The following RARB variants were observed in gnomAD, a reference collection of about 807,000 sequenced individuals.
RARB encodes the protein HBV-activated protein.
RARB carries 17 observed loss-of-function variants against 51.9 expected under a neutral mutation model. The ratio of observed to expected loss-of-function variants is 0.33; its 90% CI spans 0.22 to 0.49. The LOEUF (loss-of-function observed/expected upper bound fraction) is 0.49. RARB is among the 20% of genes least tolerant of loss of function. The probability of loss-of-function intolerance (pLI) is 0.99; values close to 1 mark genes in which losing one functional copy is unlikely to be tolerated. For synonymous variants in RARB, 215 were observed against 195.4 expected (o/e 1.10, Z -0.84); for missense variants, 369 against 550.8 (o/e 0.67, Z 3.30).
chr3:24,892,425 C>T (rs906732723), intron 2 of RARB, among the ~76,000 whole-genome samples: 1 of 152,030 alleles, frequency 6.6e-6, no homozygotes, highest in Non-Finnish European at 1.5e-5. Flanking sequence ...TTGCACCAAG[C>T]AGATAGAACT....
intron 2 of RARB, among the ~76,000 whole-genome samples, chr3:25,485,489 C>T (rs1254044171): frequency 1.3e-5 from 2 of 152,180 alleles, no homozygotes; most frequent in Non-Finnish European, 1.5e-5. Context: ...CAATGTGCAA[C>T]AGCAAATAAA....
At chr3:24,941,983 C>T (rs949447953) in intron 2 of RARB, among the ~76,000 whole-genome samples, 16 of 152,186 alleles carry the variant, frequency 1.1e-4, no homozygotes, top group Non-Finnish European at 1.9e-4. Flanking sequence ...TATTTTTCCC[C>T]TCAGAGGGAA....
chr3:25,248,528 C>T (rs907242996), intron 5 of RARB, among the ~76,000 whole-genome samples: 3 of 152,060 alleles, frequency 2.0e-5, no homozygotes, highest in African/African-American at 7.2e-5. Flanking sequence ...TGTGTTTGCT[C>T]TACCAGTGTT....
chr3:25,021,887 G>A (rs1370986699), intron 2 of RARB, among the ~76,000 whole-genome samples: 6 of 152,036 alleles, frequency 3.9e-5, no homozygotes, highest in African/African-American at 1.4e-4. Flanking sequence ...AATTACTGAG[G>A]CAGATTGTAT....
At chr3:25,054,820 A>G (rs1698405428) in intron 2 of RARB, among the ~76,000 whole-genome samples, 1 of 152,216 alleles carries the variant, frequency 6.6e-6, no homozygotes, top group African/African-American at 2.4e-5. Flanking sequence ...CACTAGCAAT[A>G]TATTGAAGGC....
At chr3:25,133,670 A>G (rs1699987387) in intron 4 of RARB, among the ~76,000 whole-genome samples, 1 of 151,858 alleles carries the variant, frequency 6.6e-6, no homozygotes, top group South Asian at 2.1e-4. Flanking sequence ...CACATAATCC[A>G]CTTTGTTTTT....
chr3:25,116,319 T>C (rs1311142625), intron 3 of RARB, among the ~76,000 whole-genome samples: 1 of 152,192 alleles, frequency 6.6e-6, no homozygotes, highest in East Asian at 1.9e-4. Flanking sequence ...ATGTGTGTTT[T>C]AGCAGAAGTC....
At chr3:25,150,744 G>C (rs1211821413) in intron 4 of RARB, among the ~76,000 whole-genome samples, 1 of 152,148 alleles carries the variant, frequency 6.6e-6, no homozygotes, top group Non-Finnish European at 1.5e-5. Flanking sequence ...GAACTTCCAA[G>C]AGAGTGCAAT....
chr3:25,169,432 G>T (rs777072255), intron 4 of RARB, among the ~76,000 whole-genome samples: 12 of 152,092 alleles, frequency 7.9e-5, no homozygotes, highest in African/African-American at 1.2e-4. Context: ...ATTATTCACG[G>T]ATATAAAGAA....
chr3:25,307,475 C>T (rs543731443), intron 5 of RARB, among the ~76,000 whole-genome samples: 2 of 152,286 alleles, frequency 1.3e-5, no homozygotes, highest in Admixed American at 1.3e-4. Flanking sequence ...TCAGAAGTCC[C>T]TTAGCCAACA....
intron 2 of RARB, among the ~76,000 whole-genome samples, chr3:25,481,912 C>T (rs1312275334): frequency 6.6e-6 from 1 of 152,194 alleles, no homozygotes; most frequent in Non-Finnish European, 1.5e-5. Context: ...ATATTCATAA[C>T]AATCCCACAA....
intron 2 of RARB, among the ~76,000 whole-genome samples, chr3:24,921,629 C>T (rs550926131): frequency 2.6e-5 from 4 of 152,044 alleles, no homozygotes; most frequent in South Asian, 2.1e-4. Flanking sequence ...CGAGGAGGTC[C>T]CCCCCATCTC....
intron 3 of RARB, among the ~76,000 whole-genome samples, chr3:25,567,230 C>T (rs1460064392): frequency 6.6e-6 from 1 of 152,162 alleles, no homozygotes; most frequent in African/African-American, 2.4e-5. Context: ...GTTGTGCAGC[C>T]TTCACCAGTA....
intron 5 of RARB, among the ~76,000 whole-genome samples, chr3:25,253,843 G>C (rs1335258570): frequency 6.6e-6 from 1 of 152,052 alleles, no homozygotes; most frequent in Non-Finnish European, 1.5e-5. Context: ...CAAATTGCTT[G>C]TATTTCTGGA....
chr3:25,310,772 C>T (rs1406165653), intron 5 of RARB, among the ~76,000 whole-genome samples: 3 of 152,174 alleles, frequency 2.0e-5, no homozygotes, highest in Admixed American at 6.5e-5. Flanking sequence ...TGTTCAACAG[C>T]TCCTTGAATG....
At chr3:25,217,565 C>G (rs555704564) in intron 5 of RARB, among the ~76,000 whole-genome samples, 9 of 151,816 alleles carry the variant, frequency 5.9e-5, no homozygotes, top group Non-Finnish European at 8.8e-5. Flanking sequence ...AGAGAGAGTT[C>G]GGGATTTGGA....
At chr3:25,440,233 C>G (rs1708605407) in intron 1 of RARB, among the ~76,000 whole-genome samples, 1 of 152,098 alleles carries the variant, frequency 6.6e-6, no homozygotes, top group South Asian at 2.1e-4. Context: ...AGGCAGATCA[C>G]TTGAGCCTAG....
At chr3:24,879,000 C>A (rs1268990188) in intron 2 of RARB, among the ~76,000 whole-genome samples, 1 of 152,120 alleles carries the variant, frequency 6.6e-6, no homozygotes, top group African/African-American at 2.4e-5. Flanking sequence ...ATATCCATAT[C>A]TGAAGTCATT....
chr3:25,220,541 T>A (rs910750141), intron 5 of RARB, among the ~76,000 whole-genome samples: 1 of 152,172 alleles, frequency 6.6e-6, no homozygotes, highest in Non-Finnish European at 1.5e-5. Context: ...GGTAATTGAA[T>A]CATGGGGGCA....
Sources: allele counts gnomAD v4.1 joint callset (sites outside exome capture counted in the v4.1 genomes callset), GRCh38; gene constraint gnomAD v4.1.1; transcripts MANE v1.5; gene names NCBI Gene and HGNC (gene_info 2026-07-23, HGNC 2026-07-21).